CAMK2D: variants seen among roughly 807,000 people sequenced by gnomAD.
CAMK2D encodes calcium/calmodulin-dependent protein kinase type II subunit delta.
A neutral mutation model predicts 84.0 loss-of-function variants in CAMK2D; 37 were observed. That is an observed-to-expected ratio of 0.44 (90% confidence interval 0.34 to 0.58). CAMK2D has a LOEUF of 0.58. Among genes scored for constraint, CAMK2D ranks in the 20% least tolerant of loss-of-function variants. The pLI is 0.02. For missense variants in CAMK2D, 448 were observed against 652.5 expected, an observed-to-expected ratio of 0.69 and a Z score of 3.41; for synonymous variants, 202 against 212.5, an observed-to-expected ratio of 0.95 and a Z score of 0.43.
chr4:113,598,841 T>C (rs563848547), intron 4 of CAMK2D, among the ~76,000 whole-genome samples: 1 of 152,226 alleles, frequency 6.6e-6, no homozygotes, highest in South Asian at 2.1e-4. Flanking sequence ...CTAATTTTTG[T>C]CTTTTTAGTA....
chr4:113,507,183 C>G (rs74643960), intron 13 of CAMK2D, among the ~76,000 whole-genome samples: 5 of 151,518 alleles, frequency 3.3e-5, no homozygotes, highest in African/African-American at 1.2e-4. Flanking sequence ...AGGATAATTT[C>G]TAAGCAAAAG....
intron 2 of CAMK2D, among the ~76,000 whole-genome samples, chr4:113,750,481 G>A (rs1457542108): frequency 6.6e-6 from 1 of 152,134 alleles, no homozygotes; most frequent in Non-Finnish European, 1.5e-5. Flanking sequence ...CAAAAGCCCT[G>A]TGCACGCGTC....
chr4:113,582,242 T>C (rs2098813763), intron 4 of CAMK2D, among the ~76,000 whole-genome samples: 1 of 152,130 alleles, frequency 6.6e-6, no homozygotes, highest in Admixed American at 6.6e-5. Flanking sequence ...ACATAGGGTG[T>C]GCGTAGGATT....
intron 2 of CAMK2D, among the ~76,000 whole-genome samples, chr4:113,690,754 C>T (rs1561857371): frequency 6.6e-6 from 1 of 152,170 alleles, no homozygotes; most frequent in African/African-American, 2.4e-5. Context: ...TTAATGTATT[C>T]ACATATTCAT....
chr4:113,587,724 T>A (rs2098840356), intron 4 of CAMK2D, among the ~76,000 whole-genome samples: 1 of 152,122 alleles, frequency 6.6e-6, no homozygotes, highest in African/African-American at 2.4e-5. Flanking sequence ...AGTTATAAAG[T>A]TTTTCCAAAC....
chr4:113,538,286 G>A (rs2098506993), intron 6 of CAMK2D, among the ~76,000 whole-genome samples: 1 of 152,092 alleles, frequency 6.6e-6, no homozygotes, highest in South Asian at 2.1e-4. Context: ...CCCAACCAAT[G>A]CATCAAGACA....
intron 3 of CAMK2D, among the ~76,000 whole-genome samples, chr4:113,637,123 C>CTT (rs150098195): frequency 6.6e-6 from 1 of 152,038 alleles, no homozygotes; most frequent in Non-Finnish European, 1.5e-5. Context: ...ATATGACAGG[C>CTT]TTTTTTTATT....
chr4:113,569,662 T>A (rs1338741325), intron 4 of CAMK2D, among the ~76,000 whole-genome samples: 1 of 152,162 alleles, frequency 6.6e-6, no homozygotes, highest in Non-Finnish European at 1.5e-5. Flanking sequence ...AATTGGCCAA[T>A]ATTTAATCTA....
chr4:113,731,098 A>G (rs2099567864), intron 2 of CAMK2D, among the ~76,000 whole-genome samples: 1 of 152,230 alleles, frequency 6.6e-6, no homozygotes, highest in Non-Finnish European at 1.5e-5. Context: ...AAGAAGTGCT[A>G]GCGAAAAGCC....
chr4:113,657,668 GA>G (rs1449809333), intron 3 of CAMK2D, among the ~76,000 whole-genome samples: 2 of 151,944 alleles, frequency 1.3e-5, no homozygotes, highest in African/African-American at 4.8e-5. Context: ...AATAACACAT[GA>G]AAAAAAGTAG....
intron 16 of CAMK2D, among the ~76,000 whole-genome samples, chr4:113,474,206 C>T (rs1216289892): frequency 6.6e-6 from 1 of 152,134 alleles, no homozygotes; most frequent in African/African-American, 2.4e-5. Flanking sequence ...AGGTGTGGTA[C>T]CATTTCCAGT....
At chr4:113,737,799 T>C (rs1427617576) in intron 2 of CAMK2D, among the ~76,000 whole-genome samples, 1 of 152,136 alleles carries the variant, frequency 6.6e-6, no homozygotes, top group East Asian at 1.9e-4. Context: ...AAATATAGCA[T>C]TTATTTATCA....
intron 3 of CAMK2D, among the ~76,000 whole-genome samples, chr4:113,614,435 T>C (rs2099013363): frequency 1.3e-5 from 2 of 152,068 alleles, no homozygotes; most frequent in African/African-American, 2.4e-5. Context: ...TTTGAGTGAG[T>C]AGCATGTGTG....
At chr4:113,481,384 A>G (rs1397408770) in intron 16 of CAMK2D, among the ~76,000 whole-genome samples, 1 of 152,254 alleles carries the variant, frequency 6.6e-6, no homozygotes, top group Non-Finnish European at 1.5e-5. Flanking sequence ...GAAGAGGAAC[A>G]GGAAACAAGT....
chr4:113,692,727 T>C (rs1057312443), intron 2 of CAMK2D, among the ~76,000 whole-genome samples: 1 of 152,008 alleles, frequency 6.6e-6, no homozygotes, highest in Non-Finnish European at 1.5e-5. Flanking sequence ...TACATACATA[T>C]ATTCATACAT....
At chr4:113,733,116 G>T (rs75604674) in intron 2 of CAMK2D, among the ~76,000 whole-genome samples, 99 of 152,290 alleles carry the variant, frequency 6.5e-4, no homozygotes, top group African/African-American at 2.2e-3. Flanking sequence ...GGTGAGAGTT[G>T]TATGTGCAGA....
At chr4:113,603,607 T>C (rs2098963287) in intron 4 of CAMK2D, among the ~76,000 whole-genome samples, 1 of 150,954 alleles carries the variant, frequency 6.6e-6, no homozygotes, top group African/African-American at 2.4e-5. Flanking sequence ...TTCCTGAGTC[T>C]ATGTGCAAAA....
At chr4:113,679,194 A>T (rs1202691935) in intron 2 of CAMK2D, among the ~76,000 whole-genome samples, 2 of 152,188 alleles carry the variant, frequency 1.3e-5, no homozygotes, top group East Asian at 3.9e-4. Flanking sequence ...TGAAAAAAAA[A>T]TAAGGAAATA....
chr4:113,711,403 C>T (rs2099492167), intron 2 of CAMK2D, among the ~76,000 whole-genome samples: 1 of 151,892 alleles, frequency 6.6e-6, no homozygotes. Flanking sequence ...GAAAATAATA[C>T]TGAGAAATAA....
Sources: gnomAD v4.1 joint callset for allele counts (sites outside exome capture counted in the v4.1 genomes callset) on GRCh38, gnomAD v4.1.1 for gene constraint, MANE v1.5 for transcripts, NCBI Gene and HGNC (gene_info 2026-07-23, HGNC 2026-07-21) for gene names.